The following TRHDE variants were observed in gnomAD, a reference collection of about 807,000 sequenced individuals.
TRHDE encodes thyrotropin releasing hormone degrading enzyme.
In TRHDE, 72 loss-of-function variants were observed where a neutral mutation model predicts 125.7. The ratio of observed to expected loss-of-function variants is 0.57; its 90% CI spans 0.47 to 0.70. The LOEUF is 0.70. Ranked by LOEUF, TRHDE falls within the 30% of genes least tolerant of loss-of-function variation. The pLI is 0.00. For synonymous variants in TRHDE, 509 were observed against 509.1 expected, an observed-to-expected ratio of 1.00 and a Z score of 0.00; for missense variants, 1,110 against 1,327.1, an observed-to-expected ratio of 0.84 and a Z score of 2.54.
At chr12:72,352,955 T>A (rs1870650052) in intron 2 of TRHDE, among the ~76,000 whole-genome samples, 1 of 151,560 alleles carries the variant, frequency 6.6e-6, no homozygotes, top group Admixed American at 6.6e-5. Context: ...CTGTACTTTT[T>A]TTTTTTTACT....
chr12:72,276,337 G>T (rs1879487967), intron 1 of TRHDE, among the ~76,000 whole-genome samples: 1 of 152,168 alleles, frequency 6.6e-6, no homozygotes, highest in African/African-American at 2.4e-5. Context: ...GGTAATGTCT[G>T]TAATAAAAAC....
In TRHDE at chr12:72,286,550, C is replaced by T. The variant is rs930403504; in HGVS notation, c.915-131C>T. On this transcript the variant is annotated intron_variant, in intron 1 of 18. Coordinates refer to ENST00000261180, the MANE Select transcript of TRHDE (RefSeq NM_013381.3). Reference sequence around the variant, plus strand: ...ATTATGCTTTCATGCTATTCATGCACTTAAGTTTGGTTCAGAAAAAAATAT... The same window carrying T: ...ATTATGCTTTCATGCTATTCATGCATTTAAGTTTGGTTCAGAAAAAAATAT... 4.8e-6 allele frequency: 4 copies of T among 830,264 alleles called. No homozygotes were observed. The African/African-American group carries it at 5.2e-5, about 11-fold the overall frequency. The allele number at this position is 830,264 out of a possible 1,614,324, so 51.4% of individuals were successfully genotyped here.
chr12:72,191,903 A>G (rs906397805), intron 2 of TRHDE, among the ~76,000 whole-genome samples: 1 of 152,158 alleles, frequency 6.6e-6, no homozygotes, highest in Non-Finnish European at 1.5e-5. Flanking sequence ...CTCCCACTGA[A>G]GTTGAGCAGT....
At chr12:72,327,477 A>G (rs1224676367) in intron 2 of TRHDE, among the ~76,000 whole-genome samples, 5 of 152,116 alleles carry the variant, frequency 3.3e-5, no homozygotes, top group Non-Finnish European at 7.4e-5. Context: ...GGATTTGGGG[A>G]ATCATTACAA....
intron 2 of TRHDE, among the ~76,000 whole-genome samples, chr12:72,333,313 C>A (rs1869687478): frequency 6.6e-6 from 1 of 152,084 alleles, no homozygotes; most frequent in Non-Finnish European, 1.5e-5. Context: ...CTATAAGAGT[C>A]AATGCAAGGA....
chr12:72,369,162 T>G (rs1179639789), intron 2 of TRHDE, among the ~76,000 whole-genome samples: 1 of 152,142 alleles, frequency 6.6e-6, no homozygotes, highest in East Asian at 1.9e-4. Context: ...TCCATGAAAT[T>G]ACAGAGTAAA....
intron 2 of TRHDE, among the ~76,000 whole-genome samples, chr12:72,152,111 C>T (rs1378604471): frequency 2.4e-4 from 36 of 151,596 alleles, no homozygotes; most frequent in Non-Finnish European, 4.9e-4. Flanking sequence ...AGGTCCTTCA[C>T]ATCCCTTGTA....
chr12:72,109,696 T>C (rs1415049850), intron 2 of TRHDE, among the ~76,000 whole-genome samples: 1 of 152,060 alleles, frequency 6.6e-6, no homozygotes, highest in East Asian at 1.9e-4. Flanking sequence ...GGAGATATTT[T>C]CCCCCAAAAT....
At chr12:72,380,539 A>G (rs1872094278) in intron 3 of TRHDE, among the ~76,000 whole-genome samples, 1 of 152,180 alleles carries the variant, frequency 6.6e-6, no homozygotes, top group South Asian at 2.1e-4. Context: ...CAGAGGGAAC[A>G]AAGTGCCTAG....
At chr12:72,174,016 C>T (rs1463567699) in intron 2 of TRHDE, among the ~76,000 whole-genome samples, 2 of 152,072 alleles carry the variant, frequency 1.3e-5, no homozygotes, top group African/African-American at 2.4e-5. Flanking sequence ...TTTCTTCAAC[C>T]CCTGAATCTG....
At chr12:72,471,049 A>G (rs978292837) in intron 4 of TRHDE, among the ~76,000 whole-genome samples, 3 of 151,308 alleles carry the variant, frequency 2.0e-5, no homozygotes, top group Admixed American at 1.3e-4. Context: ...CTAATTTTTT[A>G]TATTTTTAGT....
chr12:72,570,903 T>C (rs560665918), intron 10 of TRHDE, among the ~76,000 whole-genome samples: 4 of 152,320 alleles, frequency 2.6e-5, no homozygotes, highest in African/African-American at 7.2e-5. Context: ...GACACATTCA[T>C]AGCACTATCT....
intron 2 of TRHDE, among the ~76,000 whole-genome samples, chr12:72,118,416 A>T (rs1372419004): frequency 6.6e-6 from 1 of 152,066 alleles, no homozygotes; most frequent in African/African-American, 2.4e-5. Flanking sequence ...CTTGATTATG[A>T]TGAATAATCT....
intron 2 of TRHDE, among the ~76,000 whole-genome samples, chr12:72,196,644 A>T (rs986911362): frequency 6.6e-6 from 1 of 151,980 alleles, no homozygotes; most frequent in African/African-American, 2.4e-5. Flanking sequence ...ACCTACTTAT[A>T]CCTATGCCAT....
chr12:72,207,464 A>G (rs1162680025), intron 2 of TRHDE, among the ~76,000 whole-genome samples: 3 of 152,346 alleles, frequency 2.0e-5, no homozygotes, highest in Middle Eastern at 3.4e-3. Context: ...AAGCACAAAA[A>G]AATTGCACAA....
At chr12:72,599,133 T>A (rs1370131897) in intron 12 of TRHDE, among the ~76,000 whole-genome samples, 1 of 152,094 alleles carries the variant, frequency 6.6e-6, no homozygotes, top group African/African-American at 2.4e-5. Flanking sequence ...ACTGCTGATG[T>A]GCACCTACAT....
In TRHDE at chr12:72,273,897, A is replaced by G; in HGVS notation, c.914+340A>G. ...TAGCTGATAATCTGAGCGATGCCAG[A>G]GTGACATGAAAAGCTTGCCAAGTTA... On this transcript the variant is annotated intron_variant, in intron 1 of 18. Coordinates refer to ENST00000261180, the MANE Select transcript of TRHDE (RefSeq NM_013381.3). This position sits in a 1 kb window ranked among gnomAD's most constrained non-coding sequence, Gnocchi z 5.3. The G allele has an allele frequency of 3.7e-6, 1 of 270,474 alleles. No individual in the cohort carries two copies. The highest frequency in any genetic ancestry group is 7.0e-6 in the Non-Finnish European group (1 of 142,348). The allele number at this position is 270,474 out of a possible 1,614,324, so 16.8% of individuals were successfully genotyped here. A position where few individuals can be genotyped will look rare whatever the true frequency, so the allele number is the denominator to read the frequency against.
At chr12:72,291,447 G>A (rs1398234305) in intron 2 of TRHDE, among the ~76,000 whole-genome samples, 1 of 152,100 alleles carries the variant, frequency 6.6e-6, no homozygotes, top group African/African-American at 2.4e-5. Flanking sequence ...CCACCCTTTG[G>A]GCTCTTTGTT....
chr12:72,533,913 A>G (rs1868711329), intron 6 of TRHDE, among the ~76,000 whole-genome samples: 1 of 151,998 alleles, frequency 6.6e-6, no homozygotes, highest in African/African-American at 2.4e-5. Context: ...GTCTCATATT[A>G]TCTTGAATAT....
Sources: allele counts gnomAD v4.1 joint callset (sites outside exome capture counted in the v4.1 genomes callset), GRCh38; gene constraint gnomAD v4.1.1; non-coding constraint Gnocchi (gnomAD v3.1); transcripts MANE v1.5; gene names NCBI Gene and HGNC (gene_info 2026-07-23, HGNC 2026-07-21).